Variants in CNTFR observed in about 807,000 individuals in gnomAD.
CNTFR encodes the protein ciliary neurotrophic factor receptor.
Under a neutral mutation model 40.4 loss-of-function variants are expected in CNTFR, and 12 were observed. The observed-to-expected ratio is 0.30, with a 90% confidence interval of 0.19 to 0.48. The LOEUF (loss-of-function observed/expected upper bound fraction) is 0.48. Among genes scored for constraint, CNTFR ranks in the 20% least tolerant of loss-of-function variants. CNTFR has a pLI of 0.99. For synonymous variants in CNTFR, 202 were observed against 209.6 expected, an observed-to-expected ratio of 0.96 and a Z score of 0.31; for missense variants, 414 against 506.8, an observed-to-expected ratio of 0.82 and a Z score of 1.76.
intron 7 of CNTFR, among the ~76,000 whole-genome samples, chr9:34,555,384 C>A (rs1253104182): frequency 6.6e-6 from 1 of 152,068 alleles, no homozygotes; most frequent in Non-Finnish European, 1.5e-5. Context: ...CCCCCAGGAA[C>A]CAGCCTGGGT....
At chr9:34,565,283 G>A (rs993338552) in intron 3 of CNTFR, among the ~76,000 whole-genome samples, 2 of 151,936 alleles carry the variant, frequency 1.3e-5, no homozygotes, top group Non-Finnish European at 2.9e-5. Context: ...TGGCATTGAG[G>A]GGCCCCACTC....
intron 2 of CNTFR, among the ~76,000 whole-genome samples, chr9:34,570,363 C>G (rs879840655): frequency 1.1e-4 from 17 of 152,220 alleles, no homozygotes; most frequent in Non-Finnish European, 2.2e-4. Context: ...CCACCAGAAA[C>G]ACTGTAAAGG....
At position 34,573,921 on chromosome 9, in the gene CNTFR, C is replaced by T. The variant is rs184411853; in HGVS notation, c.1-4940G>A. Among the ~76,000 whole-genome samples the T allele has an allele frequency of 4.0e-3, 606 of 152,280 alleles. 5 individuals carry two copies. Among genetic ancestry groups the T allele is most frequent in the South Asian group, 9.6e-3 (46 of 4,816 alleles). ...ATGGAGAAGGAAATGAGAGACAGAG[C>T]GGGGGCAAAGACAGGGACAAGGACA... On this transcript the variant is annotated intron_variant, in intron 2 of 9. Transcript: ENST00000378980.
At chr9:34,555,550 C>T (rs1258526293) in intron 7 of CNTFR, among the ~76,000 whole-genome samples, 1 of 152,092 alleles carries the variant, frequency 6.6e-6, no homozygotes, top group Non-Finnish European at 1.5e-5. Context: ...TCTATTGTAG[C>T]TTGATCCAGA....
intron 4 of CNTFR, among the ~76,000 whole-genome samples, chr9:34,564,276 G>A (rs4879805): frequency 0.15 from 22,984 of 152,110 alleles, 1,812 homozygotes; most frequent in East Asian, 0.3. Context: ...TCCGTGACCT[G>A]AGGGTCTCTC....
At position 34,564,655 on chromosome 9, in the gene CNTFR, G is replaced by C; in HGVS notation, c.263C>G (p.Ala88Gly). The change falls in exon 4 of 10, where the codon GCC becomes GGC. Residue 88 changes from alanine (A) to glycine (G), a missense_variant. Around this residue, in one of 3 missense-constraint regions of CNTFR, gnomAD observed 250 missense variants for 269.5 expected, o/e 0.93. Transcript: ENST00000378980. The part of the protein sequence containing the change: ...GLELGHSGLY[A>G]CFHRDSWHLR... ...GTGCCAGGAGTCACGGTGGAAGCAG[G>C]CGTAGAGGCCACTGTGGCCCAGTTC... 1 of 1,613,688 alleles carries C rather than the reference G, an allele frequency of 6.2e-7. No homozygotes were observed. Among genetic ancestry groups the C allele is most frequent in the East Asian group, 2.2e-5 (1 of 44,864 alleles).
chr9:34,560,641 A>G (rs1240137949), intron 4 of CNTFR, among the ~76,000 whole-genome samples: 3 of 152,250 alleles, frequency 2.0e-5, no homozygotes, highest in African/African-American at 7.2e-5. Context: ...ACACCGTGTG[A>G]GTGCATGTTA....
upstream of CNTFR, among the ~76,000 whole-genome samples, chr9:34,590,515 G>A (rs563848752): frequency 6.6e-6 from 1 of 152,342 alleles, no homozygotes; most frequent in African/African-American, 2.4e-5. Context: ...GGGGAAAGGG[G>A]CTTCCTTGAC....
In CNTFR at chr9:34,584,971, C is replaced by T. The variant is rs1453598881; in HGVS notation, c.-111-3766G>A. Reference sequence around the variant, plus strand: ...GGGTGTAGGACAGGGGATGCTGGGTCTCAAACCACAAATCCCAGCAGCTTC... The same window carrying T: ...GGGTGTAGGACAGGGGATGCTGGGTTTCAAACCACAAATCCCAGCAGCTTC... On this transcript the variant is annotated intron_variant, in intron 1 of 9. Transcript: ENST00000378980. 2.6e-5 allele frequency among the ~76,000 whole-genome samples: 4 copies of T among 152,138 alleles called. No individual in the cohort carries two copies. In the East Asian group the frequency reaches 7.7e-4, roughly 29 times the overall value.
intron 1 of CNTFR, among the ~76,000 whole-genome samples, chr9:34,587,446 G>A (rs1351230495): frequency 6.6e-6 from 1 of 152,118 alleles, no homozygotes; most frequent in Non-Finnish European, 1.5e-5. Flanking sequence ...GACTTCAAGT[G>A]AGTCCTACCA....
rs1825805907 is a variant in CNTFR, at chr9:34,555,734, C to A, written c.768+521G>T. Among the ~76,000 whole-genome samples, 2 of 152,096 alleles carry A rather than the reference C, an allele frequency of 1.3e-5. 1 individual carries two copies. The highest frequency in any genetic ancestry group is 4.1e-4 in the South Asian group (2 of 4,826). On this transcript the variant is annotated intron_variant, in intron 7 of 9. Coordinates refer to ENST00000378980, the MANE Select transcript of CNTFR (RefSeq NM_147164.3). ...GCTTGACCCCACTGCCTGATCCTGA[C>A]CCCTTGGGCCCATCTGTGAGCCCTT...
At chr9:34,553,866 G>A (rs917413212) in intron 7 of CNTFR, among the ~76,000 whole-genome samples, 23 of 152,194 alleles carry the variant, frequency 1.5e-4, no homozygotes, top group African/African-American at 1.4e-4. Flanking sequence ...GGAGGGGGCC[G>A]CTCTGGGCCA....
intron 4 of CNTFR, among the ~76,000 whole-genome samples, chr9:34,560,832 C>T (rs1826040906): frequency 6.6e-6 from 1 of 152,204 alleles, no homozygotes; most frequent in Admixed American, 6.5e-5. Context: ...TGTGCGTGTG[C>T]CCCCACTGGC....
intron 4 of CNTFR, among the ~76,000 whole-genome samples, chr9:34,561,592 G>C (rs1158167246): frequency 6.6e-6 from 1 of 152,206 alleles, no homozygotes; most frequent in East Asian, 1.9e-4. Flanking sequence ...GATTAGCCTG[G>C]TTAAGGAGAC....
rs3818578 is a variant in CNTFR, at chr9:34,552,075, T to C, written c.*-4A>G. ...TGTCCTCATGGGGTGCCGGGCTCTGTAGAGACAGGCAGGGGCCTGTCAGGG... is the reference window on the plus strand; with the variant it reads ...TGTCCTCATGGGGTGCCGGGCTCTGCAGAGACAGGCAGGGGCCTGTCAGGG... On this transcript the variant is annotated splice_region_variant and splice_polypyrimidine_tract_variant and intron_variant, in intron 9 of 9. Coordinates refer to ENST00000378980, the MANE Select transcript of CNTFR (RefSeq NM_147164.3). This position sits in a 1 kb window ranked among gnomAD's most constrained non-coding sequence, Gnocchi z 5.1. 3.0e-3 allele frequency: 4,569 copies of C among 1,538,722 alleles called. 87 individuals are homozygous for C. Among genetic ancestry groups the C allele is most frequent in the East Asian group, 0.028 (1,251 of 44,324 alleles).
At chr9:34,574,925 G>A (rs1463502699) in intron 2 of CNTFR, among the ~76,000 whole-genome samples, 2 of 152,234 alleles carry the variant, frequency 1.3e-5, no homozygotes, top group Non-Finnish European at 2.9e-5. Flanking sequence ...CCTGGGGAGA[G>A]AGGAATCTGT....
At chr9:34,577,154 G>T (rs1027872730) in intron 2 of CNTFR, among the ~76,000 whole-genome samples, 1 of 152,196 alleles carries the variant, frequency 6.6e-6, no homozygotes, top group Admixed American at 6.5e-5. Context: ...AGGAGTAGAC[G>T]CGGAGTCGCT....
At chr9:34,584,646 T>C (rs1827465906) in intron 1 of CNTFR, among the ~76,000 whole-genome samples, 1 of 152,200 alleles carries the variant, frequency 6.6e-6, no homozygotes, top group Non-Finnish European at 1.5e-5. Context: ...GGGTCAGAGA[T>C]GGGGTCCATT....
chr9:34,556,166 G>A, intron 7 of CNTFR, 89 bp downstream of exon 7: 2 of 1,406,744 alleles, frequency 1.4e-6, no homozygotes, highest in South Asian at 2.5e-5. Context: ...GTCTCACACT[G>A]GAGCTGCTGC....
Sources: allele counts gnomAD v4.1 joint callset (sites outside exome capture counted in the v4.1 genomes callset), GRCh38; gene constraint gnomAD v4.1.1; regional missense constraint gnomAD v4.1.1; non-coding constraint Gnocchi (gnomAD v3.1); transcripts MANE v1.5; gene names NCBI Gene and HGNC (gene_info 2026-07-23, HGNC 2026-07-21).